CFAP46: variants seen among roughly 807,000 people sequenced by gnomAD.
CFAP46 encodes cilia- and flagella-associated protein 46.
Under a neutral mutation model 325.7 loss-of-function variants are expected in CFAP46, and 245 were observed. The ratio of observed to expected loss-of-function variants is 0.75; its 90% CI spans 0.68 to 0.84. The LOEUF (loss-of-function observed/expected upper bound fraction) is 0.84, where lower values mean the gene tolerates loss of function less well. Among genes scored for constraint, CFAP46 ranks in the 40% least tolerant of loss-of-function variants. CFAP46 has a pLI of 0.00. For synonymous variants in CFAP46, 1,523 were observed against 1,495.9 expected (o/e 1.02, Z -0.42); for missense variants, 3,346 against 3,543.0 (o/e 0.94, Z 1.41).
At position 132,910,020 on chromosome 10, in the gene CFAP46, T is replaced by A; in HGVS notation, c.2548A>T (p.Thr850Ser). The A allele has an allele frequency of 2.6e-6, 4 of 1,540,226 alleles. No individual in the cohort carries two copies. The South Asian group carries it at 4.8e-5, about 19-fold the overall frequency. Residue 850 changes from threonine to serine, a missense_variant, in exon 20 of 58, where the codon ACG becomes TCG. Coordinates refer to ENST00000368586, the MANE Select transcript of CFAP46 (RefSeq NM_001200049.3). ...NLTNGSAPEE[T>S]VPTGTRQQLI... The stretch of plus-strand genomic sequence containing the variant: ...TGCTGCCGGGTGCCGGTGGGCACCG[T>A]CTCCTCGGGCGCACTCCCATTGGTC...
rs147399895 is a variant in CFAP46, at chr10:132,852,606, G to A, written c.5575-1301C>T. On this transcript the variant is annotated intron_variant, in intron 39 of 57. Coordinates refer to ENST00000368586, the MANE Select transcript of CFAP46 (RefSeq NM_001200049.3). ...TATTCTCAGATCCTGATCCACAGAC[G>A]CGGTCTGTTTCTCCATTTACTTAGA... Among the ~76,000 whole-genome samples the A allele has an allele frequency of 7.2e-3, 1,091 of 152,150 alleles. 11 individuals are homozygous for A. The highest frequency in any genetic ancestry group is 6.5e-3 in the Non-Finnish European group (443 of 67,986).
At position 132,866,078 on chromosome 10, in the gene CFAP46, T is replaced by C; in HGVS notation, c.4837A>G (p.Asn1613Asp). ...MLKAEVLLEM[N>D]LYQPARLLLS... ...AGCAGCCGTGCAGGCTGGTACAGGT[T>C]CATCTCCAGCAGAACTTCTGCCTTC... is the stretch of plus-strand genomic sequence containing the variant. The change falls in exon 35 of 58, where the codon AAC (asparagine) becomes GAC (aspartate). Residue 1613 changes from asparagine (N) to aspartate (D), a missense_variant. Physicochemically the swap from Asn to Asp is conservative, Grantham distance 23 (BLOSUM62 1). Transcript: ENST00000368586. The C allele has an allele frequency of 6.5e-7, 1 of 1,546,844 alleles. No homozygotes were observed. Among genetic ancestry groups the C allele is most frequent in the South Asian group, 1.2e-5 (1 of 83,378 alleles).
At chr10:132,909,424 C>A (rs142608265) in intron 20 of CFAP46, among the ~76,000 whole-genome samples, 180 bp from the exon 21 acceptor site, 1 of 152,234 alleles carries the variant, frequency 6.6e-6, no homozygotes, top group South Asian at 2.1e-4. Context: ...TCTCATACAA[C>A]GAGGAGCCCC....
chr10:132,922,026 TGG>T lies in CFAP46; in HGVS notation c.1606+76_1606+77del, dbSNP rs1176342992. ...GGGCGGTGGCAGGGAGCATGGGGAC[TGG>T]GGAGGCCCCGGGGCAGCCTGGGAGC... is the stretch of plus-strand genomic sequence containing the variant. On this transcript the variant is annotated intron_variant, in intron 13 of 57. Coordinates refer to ENST00000368586, the MANE Select transcript of CFAP46 (RefSeq NM_001200049.3). The T allele has an allele frequency of 2.7e-6, 4 of 1,486,198 alleles. 1 individual carries two copies. The highest frequency in any genetic ancestry group is 2.2e-5 in the Admixed American group (1 of 44,556). The allele number at this position is 1,486,198 out of a possible 1,614,324, so 92.1% of individuals were successfully genotyped here.
chr10:132,882,960 C>G (rs931406529), intron 27 of CFAP46, among the ~76,000 whole-genome samples: 1 of 152,202 alleles, frequency 6.6e-6, no homozygotes, highest in Non-Finnish European at 1.5e-5. Flanking sequence ...TGAGGAGTGC[C>G]GGGGACCCTG....
intron 13 of CFAP46, among the ~76,000 whole-genome samples, chr10:132,921,705 C>T (rs890316619): frequency 1.3e-5 from 2 of 152,174 alleles, no homozygotes; most frequent in Non-Finnish European, 2.9e-5. Flanking sequence ...AGGGAGGAAA[C>T]GAGGACACAG....
At chr10:132,848,908 T>A (rs182468017) in intron 41 of CFAP46, among the ~76,000 whole-genome samples, 60 of 152,286 alleles carry the variant, frequency 3.9e-4, no homozygotes, top group South Asian at 1.7e-3. Context: ...CGATCCTACG[T>A]ATCAAAACTT....
chr10:132,860,637 T>C (rs1488444473), intron 36 of CFAP46, 114 bp from the exon 37 acceptor site: 10 of 1,172,596 alleles, frequency 8.5e-6, no homozygotes, highest in Admixed American at 4.1e-5. Context: ...CGGGGGTAGA[T>C]ACGGGTGTGT....
Position 132,888,202 on chromosome 10 carries a change from G to A in CFAP46, c.3305-2243C>T, listed in dbSNP as rs1489814275. Among the ~76,000 whole-genome samples, 12 of 151,760 alleles carry A rather than the reference G, an allele frequency of 7.9e-5. No individual in the cohort carries two copies. The South Asian group carries it at 2.5e-3, about 32-fold the overall frequency. On this transcript the variant is annotated intron_variant, in intron 25 of 57. Transcript: ENST00000368586. ...CGAGAACCATAGTGGGCACCAATGC[G>A]GGCTCCACCCCGTCTAATGGTAGCG...
intron 44 of CFAP46, among the ~76,000 whole-genome samples, chr10:132,837,925 G>A (rs770044472): frequency 2.1e-4 from 31 of 146,390 alleles, no homozygotes; most frequent in Non-Finnish European, 4.2e-4. Context: ...ACCCAGACAC[G>A]CAGACATGCA....
chr10:132,829,083 CAA>C (rs58493058), intron 50 of CFAP46, among the ~76,000 whole-genome samples: 40,982 of 118,296 alleles, frequency 0.35, 6,273 homozygotes, highest in Admixed American at 0.51. Context: ...TTAACTTCTA[CAA>C]AAAAAAAAAA....
intron 53 of CFAP46, 133 bp from the exon 54 acceptor site, chr10:132,814,387 G>T: frequency 9.6e-7 from 1 of 1,037,894 alleles, no homozygotes. Context: ...CGGGTGGGGT[G>T]ATGGTAGAAC....
At chr10:132,860,061 G>A (rs1439688563) in intron 37 of CFAP46, among the ~76,000 whole-genome samples, 1 of 152,196 alleles carries the variant, frequency 6.6e-6, no homozygotes, top group Non-Finnish European at 1.5e-5. Context: ...AGGGAGGCGT[G>A]CCTGCCGCAA....
At chr10:132,858,346 T>G (rs1848676107) in intron 38 of CFAP46, among the ~76,000 whole-genome samples, 10 of 120,494 alleles carry the variant, frequency 8.3e-5, no homozygotes, top group South Asian at 2.7e-4. Context: ...TGGCCCCAGG[T>G]TGGAGGCAGG....
rs566266323 is a variant in CFAP46 at position 132,833,488 on chromosome 10, C to G, written c.6987G>C (p.Leu2329=). ...GCTCCAGGAGATGTCTGTCTGCGAC[C>G]AGGACTATCTTATCGGCAACCTCAG... ...VQPEVADKIV[L]VADRHLLELP... Residue 2329 remains leucine (L), a synonymous_variant, in exon 50 of 58, where the codon CTG becomes CTC. Transcript: ENST00000368586. 6.2e-7 allele frequency: 1 copy of G among 1,614,082 alleles called. No homozygotes were observed. The highest frequency in any genetic ancestry group is 2.2e-5 in the East Asian group (1 of 44,868).
chr10:132,836,290 G>T, intron 45 of CFAP46, 72 bp from the exon 46 acceptor site: 1 of 1,442,466 alleles, frequency 6.9e-7, no homozygotes, highest in Non-Finnish European at 9.7e-7. Context: ...CAGCTCCAGC[G>T]ACCTCAGAGG....
At chr10:132,849,140 G>T (rs1026952748) in intron 41 of CFAP46, among the ~76,000 whole-genome samples, 3 of 152,214 alleles carry the variant, frequency 2.0e-5, no homozygotes, top group African/African-American at 7.2e-5. Flanking sequence ...CTCTGCCCTG[G>T]CCCCTCCTCG....
At chr10:132,929,877 T>A in intron 8 of CFAP46, 73 bp from the exon 9 acceptor site, 1 of 1,033,814 alleles carries the variant, frequency 9.7e-7, no homozygotes, top group Non-Finnish European at 1.4e-6. Flanking sequence ...CGAGAATCCA[T>A]GTCCCCCGTT....
intron 28 of CFAP46, among the ~76,000 whole-genome samples, chr10:132,880,436 C>T (rs949244428): frequency 6.6e-6 from 1 of 152,250 alleles, no homozygotes; most frequent in Non-Finnish European, 1.5e-5. Context: ...GCCCCCACCT[C>T]GAGTCAGAAG....
Sources: gnomAD v4.1 joint callset for allele counts (sites outside exome capture counted in the v4.1 genomes callset) on GRCh38, gnomAD v4.1.1 for gene constraint, MANE v1.5 for transcripts, NCBI Gene and HGNC (gene_info 2026-07-23, HGNC 2026-07-21) for gene names.